FER1L6: variants seen among roughly 807,000 people sequenced by gnomAD.
The protein encoded by FER1L6 is fer-1 like family member 6.
FER1L6 carries 177 observed loss-of-function variants against 219.2 expected under a neutral mutation model. The ratio of observed to expected loss-of-function variants is 0.81; its 90% CI spans 0.71 to 0.91. The LOEUF (loss-of-function observed/expected upper bound fraction) is 0.91, where lower values mean the gene tolerates loss of function less well. Ranked by LOEUF, FER1L6 falls within the 40% of genes least tolerant of loss-of-function variation. The probability of loss-of-function intolerance (pLI) is 0.00; values close to 1 mark genes in which losing one functional copy is unlikely to be tolerated. For synonymous variants in FER1L6, 768 were observed against 824.3 expected, an observed-to-expected ratio of 0.93 and a Z score of 1.17; for missense variants, 2,153 against 2,259.9, an observed-to-expected ratio of 0.95 and a Z score of 0.96.
chr8:124,025,340 A>G (rs780758478), intron 18 of FER1L6, among the ~76,000 whole-genome samples: 4 of 151,846 alleles, frequency 2.6e-5, no homozygotes, highest in Non-Finnish European at 5.9e-5. Context: ...ATCCATCTTG[A>G]GTTAATTTTT....
At position 123,979,269 on chromosome 8, in the gene FER1L6, T is replaced by G. The variant is rs570709999; in HGVS notation, c.1064-1196T>G. 2.6e-5 allele frequency among the ~76,000 whole-genome samples: 4 copies of G among 152,332 alleles called. No individual in the cohort carries two copies. The South Asian group carries it at 6.2e-4, about 24-fold the overall frequency. The stretch of plus-strand genomic sequence containing the variant: ...TAAGGGCCTGCGTGAAGCACTCAAT[T>G]GATAGTTTCTTTTAATTTTGAGAAA... On this transcript the variant is annotated intron_variant, in intron 10 of 40. Coordinates refer to ENST00000522917, the MANE Select transcript of FER1L6 (RefSeq NM_001039112.2).
Position 124,060,674 on chromosome 8 carries a change from C to T in FER1L6, c.3112C>T (p.Pro1038Ser). ...CGTGATCCAGAGCTACAAGAACAACCCGAACTTCAGCATCCAGGCAGACGC... is the reference window on the plus strand; with the variant it reads ...CGTGATCCAGAGCTACAAGAACAACTCGAACTTCAGCATCCAGGCAGACGC... ...SCVIQSYKNN[P>S]NFSIQADAFE... The change falls in exon 24 of 41, where the codon CCG (proline) becomes TCG (serine). Residue 1038 changes from proline (P) to serine (S), a missense_variant. Transcript: ENST00000522917. 1 of 1,614,068 alleles carries T rather than the reference C, an allele frequency of 6.2e-7. No individual in the cohort carries two copies. The highest frequency in any genetic ancestry group is 1.7e-5 in the Admixed American group (1 of 60,012).
intron 1 of FER1L6, among the ~76,000 whole-genome samples, chr8:123,864,344 A>T (rs1816793942): frequency 6.7e-6 from 1 of 148,772 alleles, no homozygotes; most frequent in East Asian, 1.9e-4. Flanking sequence ...CTGCCTAGAG[A>T]TCCGCTGTTA....
At chr8:124,042,652 C>T (rs1388728014) in intron 20 of FER1L6, among the ~76,000 whole-genome samples, 1 of 152,132 alleles carries the variant, frequency 6.6e-6, no homozygotes, top group African/African-American at 2.4e-5. Flanking sequence ...AGGTGACATG[C>T]CCCCTTTATG....
Position 124,120,054 on chromosome 8 carries a change from G to A in FER1L6, c.*264G>A. 2.8e-6 allele frequency: 1 copy of A among 355,298 alleles called. No individual in the cohort carries two copies. Among genetic ancestry groups the A allele is most frequent in the Non-Finnish European group, 5.0e-6 (1 of 199,010 alleles). The allele number at this position is 355,298 out of a possible 1,614,324, so 22.0% of individuals were successfully genotyped here. ...TGGTAATCAACAATGACCTCAAATT[G>A]ACTTAGATCAATGTTTTCTTTATGT... is the stretch of plus-strand genomic sequence containing the variant. On this transcript the variant is annotated 3_prime_UTR_variant, in exon 41 of 41. Coordinates refer to ENST00000522917, the MANE Select transcript of FER1L6 (RefSeq NM_001039112.2).
chr8:123,884,020 C>T (rs942693762), intron 1 of FER1L6, among the ~76,000 whole-genome samples: 2 of 152,172 alleles, frequency 1.3e-5, no homozygotes, highest in Non-Finnish European at 2.9e-5. Context: ...TAAGTGAGCT[C>T]CTATGACATA....
At chr8:123,927,596 T>C (rs973541563) in intron 1 of FER1L6, among the ~76,000 whole-genome samples, 3 of 152,244 alleles carry the variant, frequency 2.0e-5, no homozygotes, top group African/African-American at 7.2e-5. Context: ...GTTGGTTTTT[T>C]GTAGCAGCAC....
intron 39 of FER1L6, among the ~76,000 whole-genome samples, chr8:124,116,167 C>T (rs920090337): frequency 1.3e-5 from 2 of 152,194 alleles, no homozygotes; most frequent in Non-Finnish European, 2.9e-5. Flanking sequence ...GGTTTTGTAA[C>T]ATCAGTTAGC....
chr8:123,968,094 G>T (rs1010731723), intron 5 of FER1L6, among the ~76,000 whole-genome samples: 2 of 152,058 alleles, frequency 1.3e-5, no homozygotes, highest in Admixed American at 1.3e-4. Context: ...CATCATTTCT[G>T]CCTCTGCGCC....
rs1240675073 is a variant in FER1L6 at position 124,076,339 on chromosome 8, T to C, written c.4220+14T>C. ...AGTATTTGGAAGGTCAGTGGCCATC[T>C]GGGCTGTGTTTTATTGTCCTTTCTG... On this transcript the variant is annotated intron_variant, in intron 32 of 40. Coordinates refer to ENST00000522917, the MANE Select transcript of FER1L6 (RefSeq NM_001039112.2). The C allele has an allele frequency of 1.2e-6, 2 of 1,611,534 alleles. No homozygotes were observed. The highest frequency in any genetic ancestry group is 1.7e-5 in the Admixed American group (1 of 59,998).
rs1455704508 is a variant in FER1L6 at position 123,853,031 on chromosome 8, A to G, written c.-8+846A>G. 6.6e-6 allele frequency among the ~76,000 whole-genome samples: 1 copy of G among 152,116 alleles called. No individual in the cohort carries two copies. Among genetic ancestry groups the G allele is most frequent in the African/African-American group, 2.4e-5 (1 of 41,418 alleles). On this transcript the variant is annotated intron_variant, in intron 1 of 40. Coordinates refer to ENST00000522917, the MANE Select transcript of FER1L6 (RefSeq NM_001039112.2). The surrounding 1 kb of genome is among the most constrained non-coding windows in gnomAD (Gnocchi z 6.6). ...CAATTTTATTCTTATTTTTGTAGAG[A>G]CGGGGCCTCGCTATGTTGCTCAGGT... is the stretch of plus-strand genomic sequence containing the variant.
At chr8:124,070,363 A>G (rs1821016273) in intron 29 of FER1L6, 104 bp from the exon 30 acceptor site, 7 of 1,273,402 alleles carry the variant, frequency 5.5e-6, no homozygotes, top group Admixed American at 2.2e-5. Flanking sequence ...GATTTTCCCA[A>G]GGGGCATATA....
At chr8:123,954,665 G>C (rs1814931148) in intron 1 of FER1L6, among the ~76,000 whole-genome samples, 1 of 152,140 alleles carries the variant, frequency 6.6e-6, no homozygotes, top group Non-Finnish European at 1.5e-5. Context: ...GAAGTTTAGA[G>C]AGACTAAGTG....
chr8:124,061,881 G>T lies in FER1L6; in HGVS notation c.3177G>T (p.Pro1059=), dbSNP rs369564715. 5.0e-6 allele frequency: 8 copies of T among 1,613,958 alleles called. No individual in the cohort carries two copies. The highest frequency in any genetic ancestry group is 1.7e-5 in the Admixed American group (1 of 60,024). The stretch of plus-strand genomic sequence containing the variant: ...TGCCTGAGAACGAGCTTCTGCACCC[G>T]CCACTGAGCATCTGCGTGGTGGACT... The part of the protein sequence containing the change: ...VELPENELLH[P]PLSICVVDWR... Residue 1059 remains proline, a synonymous_variant, in exon 25 of 41, where the codon CCG becomes CCT. Coordinates refer to ENST00000522917, the MANE Select transcript of FER1L6 (RefSeq NM_001039112.2).
chr8:124,062,875 C>T (rs544364965), intron 25 of FER1L6, among the ~76,000 whole-genome samples: 94 of 152,366 alleles, frequency 6.2e-4, no homozygotes, highest in African/African-American at 2.2e-3. Context: ...CTGATCTACA[C>T]CAGTCTACAT....
chr8:124,105,799 A>G (rs1240241469), intron 39 of FER1L6, among the ~76,000 whole-genome samples: 1 of 152,226 alleles, frequency 6.6e-6, no homozygotes, highest in Non-Finnish European at 1.5e-5. Context: ...GTATATCCAT[A>G]CAGTGGAATA....
Position 123,898,846 on chromosome 8 carries a change from T to C in FER1L6, c.-8+46661T>C, listed in dbSNP as rs1341683404. On this transcript the variant is annotated intron_variant, in intron 1 of 40. Transcript: ENST00000522917. ...GTGTATATATATATATACATACATA[T>C]ATACACACACACACACACACACATA... Among the ~76,000 whole-genome samples the C allele has an allele frequency of 3.2e-5, 4 of 126,802 alleles. No individual in the cohort carries two copies. The Admixed American group carries it at 3.2e-4, about 10-fold the overall frequency. The allele number at this position is 126,802 out of a possible 152,430, so 83.2% of individuals were successfully genotyped here.
At chr8:124,055,353 T>A (rs1290643935) in intron 22 of FER1L6, among the ~76,000 whole-genome samples, 1 of 151,916 alleles carries the variant, frequency 6.6e-6, no homozygotes, top group Non-Finnish European at 1.5e-5. Context: ...CCAGCCTGGG[T>A]GATAGAGCAA....
intron 21 of FER1L6, chr8:124,047,738 T>C (rs1309817536): frequency 6.6e-6 from 1 of 152,196 alleles, no homozygotes; most frequent in Non-Finnish European, 1.5e-5. Context: ...TATGAAAATA[T>C]GCACTTTGCT....
Sources: allele counts gnomAD v4.1 joint callset (sites outside exome capture counted in the v4.1 genomes callset), GRCh38; gene constraint gnomAD v4.1.1; non-coding constraint Gnocchi (gnomAD v3.1); transcripts MANE v1.5; gene names NCBI Gene and HGNC (gene_info 2026-07-23, HGNC 2026-07-21).